BBX: variants seen among roughly 807,000 people sequenced by gnomAD.
BBX encodes the protein HMG box transcription factor BBX.
A neutral mutation model predicts 100.2 loss-of-function variants in BBX; 30 were observed. That is an observed-to-expected ratio of 0.30 (90% CI 0.22 to 0.41). The LOEUF is 0.41. Ranked by LOEUF, BBX falls within the 10% of genes least tolerant of loss-of-function variation. BBX has a pLI of 1.00. For synonymous variants in BBX, 376 were observed against 388.1 expected (o/e 0.97, Z 0.37); for missense variants, 1,023 against 1,129.8 (o/e 0.91, Z 1.35).
intron 8 of BBX, among the ~76,000 whole-genome samples, chr3:107,744,915 TATC>T (rs1362809913): frequency 6.6e-6 from 1 of 152,196 alleles, no homozygotes; most frequent in African/African-American, 2.4e-5. Context: ...TATAGAAGCT[TATC>T]ATTAAAGTCA....
intron 15 of BBX, among the ~76,000 whole-genome samples, chr3:107,795,624 T>TC (rs1353929316): frequency 7.0e-6 from 1 of 142,470 alleles, no homozygotes; most frequent in Non-Finnish European, 1.5e-5. Context: ...TTTTTTTTTT[T>TC]TTTTTTTTTT....
chr3:107,712,964 G>A lies in BBX; in HGVS notation c.162+2342G>A, dbSNP rs143504653. Among the ~76,000 whole-genome samples, 13 of 152,294 alleles carry A rather than the reference G, an allele frequency of 8.5e-5. No homozygotes were observed. The East Asian group carries it at 2.5e-3, about 29-fold the overall frequency. On this transcript the variant is annotated intron_variant, in intron 4 of 17. Transcript: ENST00000325805. ...CATACTTTTAGTCTTAGCACCTTCT[G>A]CATATTGGTATCTCATATTATTATC...
intron 3 of BBX, among the ~76,000 whole-genome samples, chr3:107,701,544 G>T (rs115323029): frequency 6.6e-6 from 1 of 152,178 alleles, no homozygotes; most frequent in Admixed American, 6.5e-5. Flanking sequence ...AAGCCAGACC[G>T]CTGAGTTCAA....
chr3:107,564,591 AG>A (rs762994321), intron 2 of BBX, among the ~76,000 whole-genome samples: 7 of 152,058 alleles, frequency 4.6e-5, no homozygotes, highest in Non-Finnish European at 8.8e-5. Context: ...TCCTCCACAC[AG>A]GGGGTGGACA....
At chr3:107,744,401 A>G (rs754824275) in intron 7 of BBX, among the ~76,000 whole-genome samples, 7 of 152,174 alleles carry the variant, frequency 4.6e-5, no homozygotes, top group Non-Finnish European at 1.0e-4. Context: ...TGACTTTTGA[A>G]TAACAGTTGA....
At chr3:107,688,823 A>C (rs914854592) in intron 3 of BBX, among the ~76,000 whole-genome samples, 1 of 152,182 alleles carries the variant, frequency 6.6e-6, no homozygotes, top group Non-Finnish European at 1.5e-5. Flanking sequence ...TAGAGGAGTT[A>C]TATATAAGAG....
At chr3:107,798,805 A>G (rs2070044109) in intron 16 of BBX, 85 bp downstream of exon 16, 1 of 1,314,578 alleles carries the variant, frequency 7.6e-7, no homozygotes, top group Non-Finnish European at 1.1e-6. Flanking sequence ...CTTGAGCCAC[A>G]ATGAAATACA....
chr3:107,717,830 T>G (rs2062213586), intron 5 of BBX, among the ~76,000 whole-genome samples: 1 of 152,096 alleles, frequency 6.6e-6, no homozygotes, highest in African/African-American at 2.4e-5. Context: ...GTGGCTAAAC[T>G]TGAAAGGAAT....
Position 107,773,692 on chromosome 3 carries a change from T to C in BBX, c.1915+56T>C. On this transcript the variant is annotated intron_variant, in intron 11 of 17. Transcript: ENST00000325805. This position sits in a 1 kb window ranked among gnomAD's most constrained non-coding sequence, Gnocchi z 4.1. ...TCAAAAACCAAACAGAATTTCACCT[T>C]TAGACCTATTGAAAACAACTGCCAT... 25 of 1,482,072 alleles carry C rather than the reference T, an allele frequency of 1.7e-5. No homozygotes were observed. Among genetic ancestry groups the C allele is most frequent in the Non-Finnish European group, 2.2e-5 (24 of 1,106,290 alleles). The allele number at this position is 1,482,072 out of a possible 1,614,324, so 91.8% of individuals were successfully genotyped here. A position where few individuals can be genotyped will look rare whatever the true frequency, so the allele number is the denominator to read the frequency against.
At chr3:107,659,771 G>C (rs183692735) in intron 3 of BBX, 4 of 1,273,978 alleles carry the variant, frequency 3.1e-6, no homozygotes, top group African/African-American at 3.1e-5. Flanking sequence ...TATTTTTAAC[G>C]TAAGTGTGTA....
intron 4 of BBX, chr3:107,711,198 A>G (rs1299962920): frequency 5.1e-6 from 2 of 393,166 alleles, no homozygotes; most frequent in East Asian, 8.1e-5. Context: ...TTCAAAGTCA[A>G]AAGATTTTCT....
intron 2 of BBX, among the ~76,000 whole-genome samples, chr3:107,589,924 G>A (rs1455192307): frequency 6.6e-6 from 1 of 152,040 alleles, no homozygotes; most frequent in Non-Finnish European, 1.5e-5. Flanking sequence ...AGTTCTTTAT[G>A]CTTTTATTTT....
intron 3 of BBX, among the ~76,000 whole-genome samples, chr3:107,665,513 A>G (rs1185365081): frequency 6.6e-6 from 1 of 152,142 alleles, no homozygotes; most frequent in African/African-American, 2.4e-5. Context: ...CTTTAGGCCC[A>G]TAACTGTGTC....
At chr3:107,617,102 C>G (rs528041324) in intron 2 of BBX, among the ~76,000 whole-genome samples, 1 of 151,874 alleles carries the variant, frequency 6.6e-6, no homozygotes, top group Admixed American at 6.6e-5. Context: ...CCTTTTTTTG[C>G]CTGTGTAAGT....
chr3:107,791,773 C>T (rs1323069004), intron 15 of BBX, among the ~76,000 whole-genome samples: 5 of 152,098 alleles, frequency 3.3e-5, no homozygotes, highest in East Asian at 1.9e-4. Flanking sequence ...GAGGCCAAGG[C>T]GGGCAGATCA....
chr3:107,544,841 TAAAA>T (rs71764209), intron 2 of BBX, among the ~76,000 whole-genome samples: 1 of 99,362 alleles, frequency 1.0e-5, no homozygotes, highest in Admixed American at 1.1e-4. Flanking sequence ...CTGTCTCTAC[TAAAA>T]AAAAAAAAAA....
chr3:107,788,314 C>T (rs1477054351), intron 13 of BBX, among the ~76,000 whole-genome samples: 1 of 152,036 alleles, frequency 6.6e-6, no homozygotes, highest in Non-Finnish European at 1.5e-5. Flanking sequence ...ATCCTAGAAG[C>T]CCAATGAAGG....
At chr3:107,723,378 A>G (rs2062676696) in intron 5 of BBX, among the ~76,000 whole-genome samples, 1 of 151,928 alleles carries the variant, frequency 6.6e-6, no homozygotes, top group South Asian at 2.1e-4. Flanking sequence ...GATCTGGAAA[A>G]GTAATGTTGA....
At chr3:107,782,810 T>G (rs2107861210) in intron 13 of BBX, among the ~76,000 whole-genome samples, 1 of 152,230 alleles carries the variant, frequency 6.6e-6, no homozygotes, top group East Asian at 1.9e-4. Flanking sequence ...CTAAGCCAGT[T>G]TGCATACCAG....
Sources: gnomAD v4.1 joint callset for allele counts (sites outside exome capture counted in the v4.1 genomes callset) on GRCh38, gnomAD v4.1.1 for gene constraint, Gnocchi (gnomAD v3.1) non-coding constraint, MANE v1.5 for transcripts, NCBI Gene and HGNC (gene_info 2026-07-23, HGNC 2026-07-21) for gene names.